Variants in DPY19L1 observed in about 807,000 individuals in gnomAD.
DPY19L1 encodes the protein dpy-19 like C-mannosyltransferase 1.
In DPY19L1, 35 loss-of-function variants were observed where a neutral mutation model predicts 96.9. That is an observed-to-expected ratio of 0.36 (90% CI 0.28 to 0.48). The LOEUF is 0.48. DPY19L1 is among the 20% of genes least tolerant of loss of function. DPY19L1 has a pLI of 0.99. For missense variants in DPY19L1, 521 were observed against 777.9 expected (o/e 0.67, Z 3.93); for synonymous variants, 205 against 252.6 (o/e 0.81, Z 1.79).
At chr7:35,027,686 A>AAAAAAAAAAAAAAAAAAAAAAAAAAC (rs1786160165) in intron 1 of DPY19L1, among the ~76,000 whole-genome samples, 1 of 149,268 alleles carries the variant, frequency 6.7e-6, no homozygotes, top group Non-Finnish European at 1.5e-5. Context: ...AAAAAAAAAA[A>AAAAAAAAAAAAAAAAAAAAAAAAAAC]AATTAGTTGG....
chr7:35,036,713 G>C (rs1175780683), intron 1 of DPY19L1, among the ~76,000 whole-genome samples: 1 of 152,144 alleles, frequency 6.6e-6, no homozygotes, highest in African/African-American at 2.4e-5. Context: ...CCAAGCCAAA[G>C]CAAACCATCC....
At chr7:34,952,523 T>C (rs1413367701) in intron 13 of DPY19L1, among the ~76,000 whole-genome samples, 1 of 152,138 alleles carries the variant, frequency 6.6e-6, no homozygotes, top group East Asian at 1.9e-4. Flanking sequence ...GACAGGACAC[T>C]TGCAAATAAT....
intron 6 of DPY19L1, among the ~76,000 whole-genome samples, chr7:35,002,709 G>T (rs1000106047): frequency 2.0e-5 from 3 of 152,190 alleles, no homozygotes; most frequent in African/African-American, 7.2e-5. Context: ...ACATACAAAG[G>T]TTTAGAAATT....
At chr7:34,963,930 G>A (rs1784558486) in intron 10 of DPY19L1, among the ~76,000 whole-genome samples, 1 of 152,144 alleles carries the variant, frequency 6.6e-6, no homozygotes. Flanking sequence ...TCCAGGGACT[G>A]GGAAGATGGA....
intron 6 of DPY19L1, among the ~76,000 whole-genome samples, chr7:34,999,669 G>A: frequency 6.6e-6 from 1 of 152,190 alleles, no homozygotes. Flanking sequence ...ATAGGAGTGG[G>A]AGAATTGAAA....
Position 35,004,006 on chromosome 7 carries a change from A to G in DPY19L1, c.764+6462T>C, listed in dbSNP as rs1175277495. Among the ~76,000 whole-genome samples, 2 of 152,070 alleles carry G rather than the reference A, an allele frequency of 1.3e-5. 1 individual carries two copies. Among genetic ancestry groups the G allele is most frequent in the Middle Eastern group, 6.3e-3 (2 of 316 alleles). On this transcript the variant is annotated intron_variant, in intron 6 of 21. Coordinates refer to ENST00000638088, the MANE Select transcript of DPY19L1 (RefSeq NM_001366673.1). ...CTCCCCACTCTGACTCAGACTCTGC[A>G]CTCTTTGGCTCCTAGCCCTTCTCCT...
At chr7:35,017,563 T>G (rs1785888658) in intron 3 of DPY19L1, among the ~76,000 whole-genome samples, 1 of 142,352 alleles carries the variant, frequency 7.0e-6, no homozygotes, top group Non-Finnish European at 1.5e-5. Flanking sequence ...TCCCAGCTAC[T>G]CAGGAGGCTG....
chr7:34,958,478 T>A (rs1236123386), intron 10 of DPY19L1, among the ~76,000 whole-genome samples: 1 of 152,248 alleles, frequency 6.6e-6, no homozygotes, highest in African/African-American at 2.4e-5. Flanking sequence ...GTCCTCCGAA[T>A]ACTGCGAAAC....
intron 6 of DPY19L1, among the ~76,000 whole-genome samples, chr7:35,004,751 A>G (rs1445989555): frequency 5.3e-5 from 8 of 152,264 alleles, no homozygotes; most frequent in African/African-American, 1.7e-4. Context: ...GCTGTTTCTT[A>G]TAAGATCCTC....
chr7:34,940,153 C>G lies in DPY19L1; in HGVS notation c.1864G>C (p.Asp622His). Residue 622 changes from aspartate to histidine, a missense_variant and splice_region_variant, in exon 19 of 22, where the codon GAT becomes CAT. Physicochemically the swap from Asp to His is moderately conservative, Grantham distance 81. Transcript: ENST00000638088. The stretch of plus-strand genomic sequence containing the variant: ...TTTTTTTTCTTTTTTTTTTTTTTAC[C>G]TGGTTTAGTACTATATTTGATCCAT... ...IEWIKYSTKP[D>H]AVFAGAMPTM... 7.0e-7 allele frequency: 1 copy of G among 1,419,058 alleles called. No homozygotes were observed. The highest frequency in any genetic ancestry group is 9.2e-7 in the Non-Finnish European group (1 of 1,087,644). 87.9% of individuals were successfully genotyped at this position (1,419,058 alleles called of 1,614,324 possible). A position where few individuals can be genotyped will look rare whatever the true frequency, so the allele number is the denominator to read the frequency against.
At chr7:34,989,702 T>A (rs1785126070) in intron 7 of DPY19L1, among the ~76,000 whole-genome samples, 182 bp downstream of exon 7, 1 of 151,768 alleles carries the variant, frequency 6.6e-6, no homozygotes, top group Non-Finnish European at 1.5e-5. Context: ...ATCAAATTAC[T>A]AAGCCTTATA....
In DPY19L1 at chr7:34,931,448, TA is replaced by T; in HGVS notation, c.*124del. 1 of 1,285,030 alleles carries T rather than the reference TA, an allele frequency of 7.8e-7. No homozygotes were observed. Among genetic ancestry groups the T allele is most frequent in the Middle Eastern group, 3.0e-4 (1 of 3,370 alleles). The allele number at this position is 1,285,030 out of a possible 1,614,324, so 79.6% of individuals were successfully genotyped here. ...TAGAATGACATTCAAATTGACCAAA[TA>T]AAACGTTTTCTATTTGAAAACAGTT... is the stretch of plus-strand genomic sequence containing the variant. On this transcript the variant is annotated 3_prime_UTR_variant, in exon 22 of 22. Coordinates refer to ENST00000638088, the MANE Select transcript of DPY19L1 (RefSeq NM_001366673.1).
intron 13 of DPY19L1, among the ~76,000 whole-genome samples, chr7:34,953,549 C>T (rs1784312488): frequency 6.6e-6 from 1 of 152,124 alleles, no homozygotes; most frequent in African/African-American, 2.4e-5. Context: ...CCTGTGTATT[C>T]CTGCAGCACT....
In DPY19L1 at chr7:35,013,645, A is replaced by G; in HGVS notation, c.472T>C (p.Trp158Arg). 1 of 1,607,088 alleles carries G rather than the reference A, an allele frequency of 6.2e-7. No homozygotes were observed. Among genetic ancestry groups the G allele is most frequent in the East Asian group, 2.2e-5 (1 of 44,560 alleles). Residue 158 changes from tryptophan to arginine, a missense_variant, in exon 4 of 22, where the codon TGG becomes CGG. Trp to Arg is a moderately radical substitution (Grantham distance 101). Transcript: ENST00000638088. ...VEAPSFLNGV[W>R]MIMNDKLTEY... ...GTCAGTTTATCATTCATAATCATCC[A>G]TACTCCATTCAAAAATGAGGGTGCT...
chr7:35,016,315 A>G lies in DPY19L1; in HGVS notation c.411+1567T>C, dbSNP rs1055185613. Among the ~76,000 whole-genome samples, 6 of 152,246 alleles carry G rather than the reference A, an allele frequency of 3.9e-5. No individual in the cohort carries two copies. In the East Asian group the frequency reaches 1.2e-3, roughly 29 times the overall value. On this transcript the variant is annotated intron_variant, in intron 3 of 21. Coordinates refer to ENST00000638088, the MANE Select transcript of DPY19L1 (RefSeq NM_001366673.1). ...ATAGCTAAAGACAGGAAAGTTTACA[A>G]AATATGTTAAAATCCATCATATCAT...
At chr7:35,032,465 G>A (rs1786282631) in intron 1 of DPY19L1, among the ~76,000 whole-genome samples, 1 of 152,182 alleles carries the variant, frequency 6.6e-6, no homozygotes, top group Non-Finnish European at 1.5e-5. Flanking sequence ...CTGGCAAAGA[G>A]TAAGCCCCCT....
At chr7:34,963,037 A>T (rs999683129) in intron 10 of DPY19L1, among the ~76,000 whole-genome samples, 2 of 152,006 alleles carry the variant, frequency 1.3e-5, no homozygotes, top group Admixed American at 1.3e-4. Flanking sequence ...TCTATTAAAA[A>T]TACAAAAATT....
At chr7:34,957,873 A>T (rs1330533641) in intron 11 of DPY19L1, 111 bp downstream of exon 11, 13 of 651,040 alleles carry the variant, frequency 2.0e-5, no homozygotes, top group Non-Finnish European at 3.2e-5. Context: ...ATTCAGTAAG[A>T]CACTTAAGAT....
chr7:34,975,985 G>T (rs1784822901), intron 7 of DPY19L1, among the ~76,000 whole-genome samples: 1 of 152,172 alleles, frequency 6.6e-6, no homozygotes, highest in African/African-American at 2.4e-5. Flanking sequence ...GGAGACGGAT[G>T]AGGTGATTAA....
Sources: gnomAD v4.1 joint callset for allele counts (sites outside exome capture counted in the v4.1 genomes callset) on GRCh38, gnomAD v4.1.1 for gene constraint, MANE v1.5 for transcripts, NCBI Gene and HGNC (gene_info 2026-07-23, HGNC 2026-07-21) for gene names.